The following CSMD3 variants were observed in gnomAD, a reference collection of about 807,000 sequenced individuals.
CSMD3 encodes CUB and sushi domain-containing protein 3.
A neutral mutation model predicts 435.2 loss-of-function variants in CSMD3; 177 were observed. The observed-to-expected ratio is 0.41, with a 90% confidence interval of 0.36 to 0.46. The LOEUF (loss-of-function observed/expected upper bound fraction) is 0.46, where lower values mean the gene tolerates loss of function less well. Ranked by LOEUF, CSMD3 falls within the 20% of genes least tolerant of loss-of-function variation. The pLI is 0.34. For missense variants in CSMD3, 4,265 were observed against 4,504.6 expected (o/e 0.95, Z 1.52); for synonymous variants, 1,656 against 1,520.5 (o/e 1.09, Z -2.07).
intron 5 of CSMD3, among the ~76,000 whole-genome samples, chr8:113,041,778 C>G (rs901476591): frequency 1.3e-5 from 2 of 151,946 alleles, no homozygotes; most frequent in African/African-American, 4.8e-5. Context: ...TTTTTCTATT[C>G]AGAAATTAAA....
chr8:113,070,093 A>G (rs904165454), intron 5 of CSMD3, among the ~76,000 whole-genome samples: 3 of 152,108 alleles, frequency 2.0e-5, no homozygotes, highest in Non-Finnish European at 4.4e-5. Context: ...CAGTAAGATA[A>G]TTGTTACACT....
chr8:112,632,762 A>G (rs2074552100), intron 22 of CSMD3, among the ~76,000 whole-genome samples: 1 of 152,000 alleles, frequency 6.6e-6, no homozygotes, highest in Non-Finnish European at 1.5e-5. Flanking sequence ...AAAAAAGGAA[A>G]GTGTTTCTTA....
intron 6 of CSMD3, among the ~76,000 whole-genome samples, chr8:112,978,170 G>A (rs1247739164): frequency 6.6e-6 from 1 of 151,910 alleles, no homozygotes; most frequent in Non-Finnish European, 1.5e-5. Flanking sequence ...TTTAATAAAA[G>A]AAACTATTAA....
In CSMD3 at chr8:113,228,680, C is replaced by G. The variant is rs560825870; in HGVS notation, c.514+49912G>C. On this transcript the variant is annotated intron_variant, in intron 3 of 70. Coordinates refer to ENST00000297405, the MANE Select transcript of CSMD3 (RefSeq NM_198123.2). ...CCCACATATTCTGTTGGTTGATACA[C>G]TAAACTCTGCCTTCTGATCTCTCAA... 6.6e-5 allele frequency among the ~76,000 whole-genome samples: 10 copies of G among 151,524 alleles called. No individual in the cohort carries two copies. In the South Asian group the frequency reaches 1.7e-3, roughly 25 times the overall value.
intron 2 of CSMD3, among the ~76,000 whole-genome samples, chr8:113,304,826 A>G (rs1232611375): frequency 7.1e-6 from 1 of 140,536 alleles, no homozygotes; most frequent in Non-Finnish European, 1.5e-5. Context: ...ATGACGAGTT[A>G]GTGGGTGCAG....
intron 5 of CSMD3, among the ~76,000 whole-genome samples, chr8:113,027,580 C>T (rs569583444): frequency 6.6e-6 from 1 of 152,182 alleles, no homozygotes; most frequent in Non-Finnish European, 1.5e-5. Context: ...ACACAGAATT[C>T]TGCATGGTTT....
chr8:112,634,657 T>C (rs975667690), intron 22 of CSMD3, among the ~76,000 whole-genome samples: 1 of 152,036 alleles, frequency 6.6e-6, no homozygotes, highest in Non-Finnish European at 1.5e-5. Flanking sequence ...ATTAACTCAA[T>C]GGTAGATTTT....
chr8:112,992,591 T>C (rs908346892), intron 6 of CSMD3, among the ~76,000 whole-genome samples: 1 of 151,852 alleles, frequency 6.6e-6, no homozygotes, highest in African/African-American at 2.4e-5. Flanking sequence ...GTAAAGGATC[T>C]AAGGAAGAAA....
intron 6 of CSMD3, among the ~76,000 whole-genome samples, chr8:112,991,573 A>G (rs2085457710): frequency 6.6e-6 from 1 of 151,882 alleles, no homozygotes; most frequent in Admixed American, 6.6e-5. Flanking sequence ...TGTACAGGTG[A>G]GTAAATTCTA....
intron 58 of CSMD3, among the ~76,000 whole-genome samples, chr8:112,283,799 A>G (rs568143055): frequency 6.6e-6 from 1 of 151,766 alleles, no homozygotes; most frequent in Non-Finnish European, 1.5e-5. Flanking sequence ...TATGTTTAAG[A>G]TAAATATCTA....
At chr8:112,526,869 T>C (rs1825025461) in intron 27 of CSMD3, among the ~76,000 whole-genome samples, 1 of 151,926 alleles carries the variant, frequency 6.6e-6, no homozygotes, top group African/African-American at 2.4e-5. Context: ...TTACATTATA[T>C]GTGAGGTGGT....
chr8:113,221,105 AT>A (rs1165864191), intron 3 of CSMD3, among the ~76,000 whole-genome samples: 2 of 151,340 alleles, frequency 1.3e-5, no homozygotes, highest in African/African-American at 4.8e-5. Context: ...CAATACCCAA[AT>A]TTTGTTGGAT....
chr8:113,220,439 G>A (rs1025196155), intron 3 of CSMD3, among the ~76,000 whole-genome samples: 3 of 151,090 alleles, frequency 2.0e-5, no homozygotes, highest in African/African-American at 4.9e-5. Flanking sequence ...CTAAATCCAC[G>A]GCAACCTTAG....
At chr8:112,767,289 T>G (rs1587229756) in intron 13 of CSMD3, among the ~76,000 whole-genome samples, 1 of 151,974 alleles carries the variant, frequency 6.6e-6, no homozygotes, top group Non-Finnish European at 1.5e-5. Context: ...GTGGTTAATT[T>G]GAGCAGAGAA....
At position 112,583,823 on chromosome 8, in the gene CSMD3, T is replaced by G. The variant is rs576484390; in HGVS notation, c.3885+3243A>C. 7.9e-5 allele frequency among the ~76,000 whole-genome samples: 12 copies of G among 152,060 alleles called. No homozygotes were observed. In the East Asian group the frequency reaches 2.3e-3, roughly 29 times the overall value. On this transcript the variant is annotated intron_variant, in intron 23 of 70. Coordinates refer to ENST00000297405, the MANE Select transcript of CSMD3 (RefSeq NM_198123.2). ...AAAGATACATTCCTAAATGATCATT[T>G]TGTACCAGTTTTGTTCAATTCAGAA... is the stretch of plus-strand genomic sequence containing the variant.
chr8:112,254,290 G>C lies in CSMD3; in HGVS notation c.10073C>G (p.Pro3358Arg), dbSNP rs1414552663. Residue 3358 changes from proline (P) to arginine (R), a missense_variant, in exon 63 of 71, where the codon CCT becomes CGT. Around this residue, in one of 3 missense-constraint regions of CSMD3, gnomAD observed 3,255 missense variants for 3,380.2 expected, o/e 0.96. Coordinates refer to ENST00000297405, the MANE Select transcript of CSMD3 (RefSeq NM_198123.2). ...TGTATTGTTCTGAGATCCATGCCGA[G>C]GCACACCTGGGTTTTCACAAGAGGT... is the stretch of plus-strand genomic sequence containing the variant. Reference protein sequence around the residue: ...TQTSCENPGVPRHGSQNNTFG... With the variant: ...TQTSCENPGVRRHGSQNNTFG... 1 of 1,612,714 alleles carries C rather than the reference G, an allele frequency of 6.2e-7. No individual in the cohort carries two copies. The highest frequency in any genetic ancestry group is 8.5e-7 in the Non-Finnish European group (1 of 1,178,968).
At chr8:112,616,561 G>T (rs948891808) in intron 22 of CSMD3, among the ~76,000 whole-genome samples, 2 of 152,050 alleles carry the variant, frequency 1.3e-5, no homozygotes, top group African/African-American at 4.8e-5. Context: ...AACCACAAGG[G>T]TCACAAGTGC....
intron 12 of CSMD3, among the ~76,000 whole-genome samples, chr8:112,822,467 G>A (rs535779086): frequency 6.6e-5 from 10 of 152,090 alleles, no homozygotes; most frequent in South Asian, 6.2e-4. Context: ...TATTGTTGGC[G>A]TATAGGATTT....
intron 1 of CSMD3, among the ~76,000 whole-genome samples, chr8:113,316,870 C>A (rs1441805698): frequency 6.6e-6 from 1 of 152,130 alleles, no homozygotes; most frequent in Non-Finnish European, 1.5e-5. Flanking sequence ...TACTTTGGAG[C>A]AGCTGACTCT....
Sources: allele counts gnomAD v4.1 joint callset (sites outside exome capture counted in the v4.1 genomes callset), GRCh38; gene constraint gnomAD v4.1.1; regional missense constraint gnomAD v4.1.1; transcripts MANE v1.5; gene names NCBI Gene and HGNC (gene_info 2026-07-23, HGNC 2026-07-21).